Variants in TSPAN15 observed in about 807,000 individuals in gnomAD.
TSPAN15 encodes the protein tetraspanin 15.
In TSPAN15, 20 loss-of-function variants were observed where a neutral mutation model predicts 34.5. That is an observed-to-expected ratio of 0.58 (90% confidence interval 0.41 to 0.84). The LOEUF (loss-of-function observed/expected upper bound fraction) is 0.84, where lower values mean the gene tolerates loss of function less well. TSPAN15 is among the 40% of genes least tolerant of loss of function. TSPAN15 has a pLI of 0.00. For missense variants in TSPAN15, 313 were observed against 386.1 expected (o/e 0.81, Z 1.59); for synonymous variants, 155 against 153.9 (o/e 1.01, Z -0.05).
the TSPAN15 span, among the ~76,000 whole-genome samples, chr10:69,515,812 G>A: frequency 2.6e-5 from 4 of 152,180 alleles, no homozygotes; most frequent in African/African-American, 9.7e-5. Flanking sequence ...ACATGTGGTC[G>A]CTAGGTGGCG....
At chr10:69,508,395 C>T (rs1302386934), downstream of TSPAN15, among the ~76,000 whole-genome samples, 2 of 124,416 alleles carry the variant, frequency 1.6e-5, no homozygotes, top group African/African-American at 6.0e-5. Context: ...GAGCCGAGAT[C>T]ACACCACTGT....
intron 1 of TSPAN15, among the ~76,000 whole-genome samples, chr10:69,459,548 CAGAG>C (rs56024093): frequency 0.4 from 60,376 of 151,680 alleles, 12,486 homozygotes; most frequent in Non-Finnish European, 0.45. Context: ...GCATCCCAGG[CAGAG>C]AGAGCCATGA....
At chr10:69,475,292 C>T (rs1009667815) in intron 1 of TSPAN15, among the ~76,000 whole-genome samples, 5 of 152,150 alleles carry the variant, frequency 3.3e-5, no homozygotes, top group Admixed American at 3.3e-4. Flanking sequence ...GGCTTACAGG[C>T]GTCTGAAGCC....
intron 3 of TSPAN15, among the ~76,000 whole-genome samples, chr10:69,491,563 A>G (rs1841970419): frequency 1.3e-5 from 1 of 77,134 alleles, no homozygotes; most frequent in Non-Finnish European, 2.9e-5. Context: ...AGGTCAAGCC[A>G]TGTTGCCCAG....
At chr10:69,495,270 G>A (rs938609357) in intron 3 of TSPAN15, 17 of 255,260 alleles carry the variant, frequency 6.7e-5, no homozygotes, top group South Asian at 5.1e-4. Context: ...CAGGCATGGC[G>A]GCATCAGAGC....
intron 6 of TSPAN15, 117 bp downstream of exon 6, chr10:69,504,602 G>T: frequency 9.2e-7 from 1 of 1,088,790 alleles, no homozygotes; most frequent in Non-Finnish European, 1.4e-6. Flanking sequence ...CCACATTCCT[G>T]GCTGTGACCC....
At chr10:69,471,919 A>G (rs2133089149) in intron 1 of TSPAN15, among the ~76,000 whole-genome samples, 1 of 152,328 alleles carries the variant, frequency 6.6e-6, no homozygotes, top group Admixed American at 6.5e-5. Context: ...AAATGGGCTA[A>G]TAAATATTTA....
the TSPAN15 span, among the ~76,000 whole-genome samples, chr10:69,513,628 A>G: frequency 2.5e-4 from 38 of 152,352 alleles, no homozygotes; most frequent in Non-Finnish European, 4.4e-4. Flanking sequence ...ATAGCTAAGA[A>G]ATGTTTGCCT....
intron 1 of TSPAN15, among the ~76,000 whole-genome samples, chr10:69,473,180 G>A (rs1841541272): frequency 6.6e-6 from 1 of 152,190 alleles, no homozygotes. Context: ...GTTGTTTTTA[G>A]ACAGAATCTT....
At chr10:69,503,302 C>A (rs1842248047) in intron 5 of TSPAN15, among the ~76,000 whole-genome samples, 1 of 152,216 alleles carries the variant, frequency 6.6e-6, no homozygotes, top group African/African-American at 2.4e-5. Flanking sequence ...AGAGAAGACA[C>A]CCTCCCTTTC....
Position 69,506,849 on chromosome 10 carries a change from G to A in TSPAN15, c.756G>A (p.Thr252=), listed in dbSNP as rs138582142. 7 of 1,591,290 alleles carry A rather than the reference G, an allele frequency of 4.4e-6. No individual in the cohort carries two copies. Among genetic ancestry groups the A allele is most frequent in the Middle Eastern group, 1.7e-4 (1 of 6,030 alleles). ...LLPQFLGVLL[T]LLYITRVEDI... ...CTCAGTTCCTGGGGGTGCTGCTGAC[G>A]CTGCTGTACATCACCCGGGTGGAGG... The change falls in exon 8 of 8, where the codon ACG becomes ACA. Residue 252 remains threonine, a synonymous_variant. Transcript: ENST00000373290. The surrounding 1 kb of genome is among the most constrained non-coding windows in gnomAD (Gnocchi z 4.7).
At chr10:69,538,249 G>A in the TSPAN15 span, among the ~76,000 whole-genome samples, 1 of 152,288 alleles carries the variant, frequency 6.6e-6, no homozygotes, top group African/African-American at 2.4e-5. Flanking sequence ...TGATATGGGG[G>A]TTTGCCTGGT....
At chr10:69,537,982 T>C in the TSPAN15 span, among the ~76,000 whole-genome samples, 2 of 152,222 alleles carry the variant, frequency 1.3e-5, no homozygotes, top group Non-Finnish European at 1.5e-5. Context: ...TGAGTTCTTG[T>C]GATGGCCCTT....
chr10:69,524,062 A>G, the TSPAN15 span, among the ~76,000 whole-genome samples: 24 of 148,534 alleles, frequency 1.6e-4, 2 homozygotes, highest in South Asian at 5.1e-3. Context: ...GGAATAAAAA[A>G]GAATTATCTC....
At chr10:69,538,079 C>T in the TSPAN15 span, among the ~76,000 whole-genome samples, 1 of 152,160 alleles carries the variant, frequency 6.6e-6, no homozygotes. Flanking sequence ...GGGCACTAAT[C>T]CCATTGTGAG....
At chr10:69,539,611 G>A in the TSPAN15 span, among the ~76,000 whole-genome samples, 1 of 152,020 alleles carries the variant, frequency 6.6e-6, no homozygotes, top group Non-Finnish European at 1.5e-5. Flanking sequence ...AAATTCAAAG[G>A]AAAAGGAAAA....
chr10:69,485,241 C>T (rs572176880), intron 3 of TSPAN15, 26 bp downstream of exon 3: 8 of 1,611,064 alleles, frequency 5.0e-6, no homozygotes, highest in African/African-American at 2.7e-5. Context: ...TGTGTATCGG[C>T]CATGTGTGTA....
intron 1 of TSPAN15, among the ~76,000 whole-genome samples, chr10:69,458,800 C>T (rs992430663): frequency 3.3e-5 from 5 of 152,186 alleles, no homozygotes; most frequent in African/African-American, 1.2e-4. Flanking sequence ...AAGTGTCCTT[C>T]GCTCTTAACC....
At chr10:69,487,632 G>C (rs1257736331) in intron 3 of TSPAN15, among the ~76,000 whole-genome samples, 1 of 152,246 alleles carries the variant, frequency 6.6e-6, no homozygotes, top group African/African-American at 2.4e-5. Flanking sequence ...ATGATGGGCA[G>C]CAGTTCTGGT....
Sources: allele counts gnomAD v4.1 joint callset (sites outside exome capture counted in the v4.1 genomes callset), GRCh38; gene constraint gnomAD v4.1.1; non-coding constraint Gnocchi (gnomAD v3.1); transcripts MANE v1.5; gene names NCBI Gene and HGNC (gene_info 2026-07-23, HGNC 2026-07-21).